GRM3: variants seen among roughly 807,000 people sequenced by gnomAD.
GRM3 encodes the protein glutamate metabotropic receptor 3.
GRM3 carries 26 observed loss-of-function variants against 70.5 expected under a neutral mutation model. The ratio of observed to expected loss-of-function variants is 0.37; its 90% CI spans 0.27 to 0.51. The LOEUF (loss-of-function observed/expected upper bound fraction) is 0.51, where lower values mean the gene tolerates loss of function less well. GRM3 is among the 20% of genes least tolerant of loss of function. The pLI, the probability that GRM3 is intolerant of heterozygous loss-of-function variation, is 0.93. For missense variants in GRM3, 859 were observed against 1,123.8 expected, an observed-to-expected ratio of 0.76 and a Z score of 3.37; for synonymous variants, 443 against 434.9, an observed-to-expected ratio of 1.02 and a Z score of -0.23.
intron 1 of GRM3, among the ~76,000 whole-genome samples, chr7:86,680,742 A>G (rs775105536): frequency 6.6e-6 from 1 of 152,144 alleles, no homozygotes; most frequent in Non-Finnish European, 1.5e-5. Flanking sequence ...CAGAGCTCAC[A>G]TAGCTGACTT....
intron 1 of GRM3, among the ~76,000 whole-genome samples, chr7:86,717,274 G>A (rs1197823014): frequency 2.0e-5 from 3 of 151,932 alleles, no homozygotes; most frequent in African/African-American, 7.2e-5. Flanking sequence ...AAATGAACTT[G>A]ATTGCTTTTA....
intron 1 of GRM3, among the ~76,000 whole-genome samples, chr7:86,687,868 A>G (rs1794602800): frequency 6.6e-6 from 1 of 151,930 alleles, no homozygotes; most frequent in Non-Finnish European, 1.5e-5. Context: ...TGTAATTAAT[A>G]ATGTAACACT....
At chr7:86,733,682 G>T (rs1360367449) in intron 1 of GRM3, among the ~76,000 whole-genome samples, 2 of 152,126 alleles carry the variant, frequency 1.3e-5, no homozygotes, top group Non-Finnish European at 2.9e-5. Context: ...AACAGATCTG[G>T]GGGGAGTTGG....
At chr7:86,658,164 C>T (rs915376877) in intron 1 of GRM3, among the ~76,000 whole-genome samples, 3 of 152,220 alleles carry the variant, frequency 2.0e-5, no homozygotes, top group Admixed American at 2.0e-4. Flanking sequence ...GCTTCCTTGA[C>T]CTTCGTCTTA....
chr7:86,644,970 A>C, intron 1 of GRM3, 98 bp downstream of exon 1: 1 of 552,792 alleles, frequency 1.8e-6, no homozygotes, highest in African/African-American at 1.9e-5. Context: ...GGGAAAGTTG[A>C]GGTAGAGCAT....
Position 86,644,715 on chromosome 7 carries a change from TA to T in GRM3, c.-296del. 9.1e-7 allele frequency: 1 copy of T among 1,097,562 alleles called. No individual in the cohort carries two copies. The highest frequency in any genetic ancestry group is 1.2e-6 in the Non-Finnish European group (1 of 813,128). 68.0% of individuals were successfully genotyped at this position (1,097,562 alleles called of 1,614,324 possible). On this transcript the variant is annotated 5_prime_UTR_variant, in exon 1 of 6. It introduces an in-frame stop codon into an upstream open reading frame of the 5' UTR. Transcript: ENST00000361669. Reference sequence around the variant, plus strand: ...CAAGTTGGCCATTTCGAGGGCAAAATAAGTTCTCCCTTGGATTTGGAAAGGA... The same window carrying T: ...CAAGTTGGCCATTTCGAGGGCAAAATAGTTCTCCCTTGGATTTGGAAAGGA...
At chr7:86,712,308 C>T (rs1214128226) in intron 1 of GRM3, among the ~76,000 whole-genome samples, 2 of 152,012 alleles carry the variant, frequency 1.3e-5, no homozygotes, top group African/African-American at 4.8e-5. Context: ...CTTCCTAAAA[C>T]TCCTTTAGCG....
chr7:86,647,615 G>A (rs1044287021), intron 1 of GRM3, among the ~76,000 whole-genome samples: 1 of 152,092 alleles, frequency 6.6e-6, no homozygotes, highest in Middle Eastern at 3.2e-3. Flanking sequence ...AGTTTATTGT[G>A]CATTCTCACA....
At chr7:86,703,611 G>A (rs1794993565) in intron 1 of GRM3, among the ~76,000 whole-genome samples, 1 of 151,954 alleles carries the variant, frequency 6.6e-6, no homozygotes, top group Non-Finnish European at 1.5e-5. Context: ...AAAAGTATAT[G>A]AGAAGGGAAA....
intron 1 of GRM3, among the ~76,000 whole-genome samples, chr7:86,743,481 T>C (rs1354197480): frequency 1.3e-5 from 2 of 152,144 alleles, no homozygotes; most frequent in African/African-American, 4.8e-5. Flanking sequence ...AACATTTATC[T>C]ATAAGGGTCC....
rs527850856 is a variant in GRM3, at chr7:86,698,088, A to C, written c.-141+53216A>C. On this transcript the variant is annotated intron_variant, in intron 1 of 5. Transcript: ENST00000361669. ...TATTCATGGGCAAGGAATTAAACTG[A>C]AACAGACATTTTAACAATAATATCC... 1.3e-4 allele frequency among the ~76,000 whole-genome samples: 20 copies of C among 152,274 alleles called. No homozygotes were observed. The South Asian group carries it at 4.1e-3, about 32-fold the overall frequency.
chr7:86,756,268 G>A (rs758416678), intron 1 of GRM3, among the ~76,000 whole-genome samples: 4 of 151,906 alleles, frequency 2.6e-5, no homozygotes, highest in Admixed American at 1.3e-4. Context: ...TAGTAAAGAC[G>A]GGGTTTCACC....
At chr7:86,842,756 A>G (rs1421922674) in intron 4 of GRM3, among the ~76,000 whole-genome samples, 1 of 152,202 alleles carries the variant, frequency 6.6e-6, no homozygotes, top group Non-Finnish European at 1.5e-5. Context: ...TGGAAGAAAG[A>G]TATTAAACAA....
chr7:86,803,607 C>A (rs1042648718), intron 3 of GRM3, among the ~76,000 whole-genome samples: 48 of 152,232 alleles, frequency 3.2e-4, no homozygotes, highest in African/African-American at 1.1e-3. Flanking sequence ...CCAGAGGCTG[C>A]CCTCCCAGCC....
intron 1 of GRM3, 118 bp from the exon 2 acceptor site, chr7:86,764,888 C>T (rs1280641858): frequency 5.8e-6 from 3 of 520,110 alleles, no homozygotes; most frequent in South Asian, 3.2e-5. Flanking sequence ...CTGTGGTGTA[C>T]TGTGTGTTTA....
chr7:86,705,068 C>A (rs529260015), intron 1 of GRM3, among the ~76,000 whole-genome samples: 17 of 151,946 alleles, frequency 1.1e-4, no homozygotes, highest in African/African-American at 4.1e-4. Flanking sequence ...CATCCAAAGG[C>A]AGTTTTAATA....
In GRM3 at chr7:86,685,488, C is replaced by T. The variant is rs559421329; in HGVS notation, c.-141+40616C>T. Among the ~76,000 whole-genome samples, 5 of 152,288 alleles carry T rather than the reference C, an allele frequency of 3.3e-5. 1 individual carries two copies. Among genetic ancestry groups the T allele is most frequent in the African/African-American group, 1.2e-4 (5 of 41,578 alleles). Reference sequence around the variant, plus strand: ...GTGAGCAAGTGGGCTTTCTCTCTTGCTCAAGATAAAGGACATTCACTTTCG... The same window carrying T: ...GTGAGCAAGTGGGCTTTCTCTCTTGTTCAAGATAAAGGACATTCACTTTCG... On this transcript the variant is annotated intron_variant, in intron 1 of 5. Transcript: ENST00000361669.
intron 3 of GRM3, among the ~76,000 whole-genome samples, chr7:86,812,110 G>C (rs1450442956): frequency 6.6e-6 from 1 of 151,754 alleles, no homozygotes; most frequent in Non-Finnish European, 1.5e-5. Flanking sequence ...AACCATTGCA[G>C]TTTATTAGTT....
chr7:86,793,808 T>A (rs769114363), intron 3 of GRM3, among the ~76,000 whole-genome samples: 5 of 152,170 alleles, frequency 3.3e-5, no homozygotes, highest in African/African-American at 7.2e-5. Context: ...TTTACTATTA[T>A]CATTATAGTT....
Sources: gnomAD v4.1 joint callset for allele counts (sites outside exome capture counted in the v4.1 genomes callset) on GRCh38, gnomAD v4.1.1 for gene constraint, MANE v1.5 for transcripts, NCBI Gene and HGNC (gene_info 2026-07-23, HGNC 2026-07-21) for gene names.